UBE2R2: variants seen among roughly 807,000 people sequenced by gnomAD.
The protein encoded by UBE2R2 is ubiquitin conjugating enzyme E2 R2.
A neutral mutation model predicts 27.8 loss-of-function variants in UBE2R2; 1 was observed. That is an observed-to-expected ratio of 0.04 (90% CI 0.01 to 0.17). The LOEUF is 0.17. UBE2R2 is among the 10% of genes least tolerant of loss of function. The pLI, the probability that UBE2R2 is intolerant of heterozygous loss-of-function variation, is 1.00. For synonymous variants in UBE2R2, 106 were observed against 113.3 expected, an observed-to-expected ratio of 0.94 and a Z score of 0.41; for missense variants, 100 against 291.0, an observed-to-expected ratio of 0.34 and a Z score of 4.78.
At chr9:33,902,499 T>C (rs1270282135) in intron 3 of UBE2R2, among the ~76,000 whole-genome samples, 1 of 152,240 alleles carries the variant, frequency 6.6e-6, no homozygotes, top group Non-Finnish European at 1.5e-5. Flanking sequence ...TTTTTGGGTC[T>C]AATGTGAAGC....
rs528962836 is a variant in UBE2R2 at position 33,900,838 on chromosome 9, G to A, written c.362+567G>A. Among the ~76,000 whole-genome samples the A allele has an allele frequency of 2.0e-5, 3 of 152,216 alleles. No individual in the cohort carries two copies. The East Asian group carries it at 5.8e-4, about 29-fold the overall frequency. On this transcript the variant is annotated intron_variant, in intron 3 of 4. Coordinates refer to ENST00000263228, the MANE Select transcript of UBE2R2 (RefSeq NM_017811.4). ...CCCACTTGGCCTCCCAAAGCGCTGG[G>A]ATTATAGGCATGAGCCACTGTGCCC... is the stretch of plus-strand genomic sequence containing the variant.
At chr9:33,817,998 C>T (rs2130697328) in intron 1 of UBE2R2, 64 bp downstream of exon 1, 3 of 1,564,718 alleles carry the variant, frequency 1.9e-6, no homozygotes, top group Non-Finnish European at 2.6e-6. Flanking sequence ...CCGCCGCTTT[C>T]TGCAGTTCCT....
chr9:33,835,271 C>G (rs1489372729), intron 1 of UBE2R2, among the ~76,000 whole-genome samples: 1 of 151,270 alleles, frequency 6.6e-6, no homozygotes, highest in African/African-American at 2.4e-5. Context: ...CTCAGCCTCC[C>G]GAGTAGTTGG....
chr9:33,918,396 T>C lies in UBE2R2; in HGVS notation c.*1159T>C, dbSNP rs548854690. 10 of 152,038 alleles carry C rather than the reference T, an allele frequency of 6.6e-5. No homozygotes were observed. The highest frequency in any genetic ancestry group is 1.3e-4 in the Admixed American group (2 of 15,240). 9.4% of individuals were successfully genotyped at this position (152,038 alleles called of 1,614,324 possible). On this transcript the variant is annotated 3_prime_UTR_variant, in exon 5 of 5. Transcript: ENST00000263228. The stretch of plus-strand genomic sequence containing the variant: ...CTTCATTGGATGTGATCTGAACTTT[T>C]TTTCTCCTTTCAACATACTTAGGCT...
At position 33,877,486 on chromosome 9, in the gene UBE2R2, G is replaced by A. The variant is rs940859817; in HGVS notation, c.178-9395G>A. On this transcript the variant is annotated intron_variant, in intron 1 of 4. Coordinates refer to ENST00000263228, the MANE Select transcript of UBE2R2 (RefSeq NM_017811.4). ...CGTGATGAAGGTAGTATTTTTAAAA[G>A]ATTATATAGTAGATAATGGTCAAAA... 2.6e-5 allele frequency among the ~76,000 whole-genome samples: 4 copies of A among 151,938 alleles called. No homozygotes were observed. The South Asian group carries it at 6.2e-4, about 24-fold the overall frequency.
At chr9:33,905,708 G>C (rs1056974420) in intron 3 of UBE2R2, among the ~76,000 whole-genome samples, 3 of 152,124 alleles carry the variant, frequency 2.0e-5, no homozygotes, top group African/African-American at 7.2e-5. Context: ...ATCATAACAG[G>C]CTTCTTTATT....
At chr9:33,862,719 T>A (rs576147869) in intron 1 of UBE2R2, among the ~76,000 whole-genome samples, 1 of 152,136 alleles carries the variant, frequency 6.6e-6, no homozygotes. Context: ...TGTAGAAGGG[T>A]TTGTCTTTAT....
chr9:33,827,414 G>C (rs1363739834), intron 1 of UBE2R2, among the ~76,000 whole-genome samples: 1 of 152,202 alleles, frequency 6.6e-6, no homozygotes, highest in Non-Finnish European at 1.5e-5. Context: ...GCCAAAGCGG[G>C]CGAATCACTT....
intron 1 of UBE2R2, among the ~76,000 whole-genome samples, chr9:33,826,816 G>A (rs1415354374): frequency 1.3e-5 from 2 of 151,966 alleles, no homozygotes; most frequent in African/African-American, 4.8e-5. Context: ...AGTGGCTCAC[G>A]ATTATAATTT....
At chr9:33,818,417 A>G (rs1825880774) in intron 1 of UBE2R2, among the ~76,000 whole-genome samples, 2 of 150,842 alleles carry the variant, frequency 1.3e-5, no homozygotes, top group African/African-American at 4.9e-5. Context: ...TTGTCATTTC[A>G]GAAGCTGCCG....
chr9:33,902,518 G>A (rs992177919), intron 3 of UBE2R2, among the ~76,000 whole-genome samples: 2 of 152,118 alleles, frequency 1.3e-5, no homozygotes, highest in Non-Finnish European at 2.9e-5. Flanking sequence ...GCAGTCATTT[G>A]CTATCTATTA....
intron 3 of UBE2R2, among the ~76,000 whole-genome samples, chr9:33,908,236 T>TGAGGAGAC (rs1822405811): frequency 6.6e-6 from 1 of 152,208 alleles, no homozygotes; most frequent in African/African-American, 2.4e-5. Flanking sequence ...ACCAATGCTG[T>TGAGGAGAC]CAGCTTTCCT....
At chr9:33,833,374 GTT>G (rs1820541587) in intron 1 of UBE2R2, among the ~76,000 whole-genome samples, 1 of 151,984 alleles carries the variant, frequency 6.6e-6, no homozygotes, top group Non-Finnish European at 1.5e-5. Flanking sequence ...TAATTTTTGT[GTT>G]TTTAGCAGAG....
intron 1 of UBE2R2, among the ~76,000 whole-genome samples, chr9:33,830,731 C>CAATCCAG (rs1316406788): frequency 1.3e-5 from 2 of 148,354 alleles, no homozygotes; most frequent in African/African-American, 5.0e-5. Context: ...TCGGCCACTG[C>CAATCCAG]AATCCAGCCT....
At chr9:33,900,402 G>T (rs374355653) in intron 3 of UBE2R2, 131 bp downstream of exon 3, 3 of 593,058 alleles carry the variant, frequency 5.1e-6, no homozygotes, top group South Asian at 2.1e-5. Context: ...TTTGTCTTTA[G>T]CTAGAGCTTT....
chr9:33,879,081 C>A (rs1587464677), intron 1 of UBE2R2, among the ~76,000 whole-genome samples: 1 of 151,944 alleles, frequency 6.6e-6, no homozygotes, highest in African/African-American at 2.4e-5. Context: ...TACAAAAAAT[C>A]AAAAATTTAG....
At chr9:33,849,436 T>C (rs1052116866) in intron 1 of UBE2R2, among the ~76,000 whole-genome samples, 3 of 152,126 alleles carry the variant, frequency 2.0e-5, no homozygotes, top group East Asian at 1.9e-4. Context: ...TAAAGAGATA[T>C]GTAAGTAATA....
chr9:33,863,350 A>G (rs1239441862), intron 1 of UBE2R2, among the ~76,000 whole-genome samples: 2 of 151,534 alleles, frequency 1.3e-5, no homozygotes, highest in Non-Finnish European at 2.9e-5. Context: ...CATCTCTACT[A>G]AAAATACAAA....
At chr9:33,859,757 CTT>C (rs34071631) in intron 1 of UBE2R2, among the ~76,000 whole-genome samples, 2 of 105,480 alleles carry the variant, frequency 1.9e-5, no homozygotes, top group Non-Finnish European at 3.9e-5. Flanking sequence ...TTATCTAAGC[CTT>C]TTGTGTGTGT....
Sources: allele counts gnomAD v4.1 joint callset (sites outside exome capture counted in the v4.1 genomes callset), GRCh38; gene constraint gnomAD v4.1.1; transcripts MANE v1.5; gene names NCBI Gene and HGNC (gene_info 2026-07-23, HGNC 2026-07-21).